LYPD6: variants seen among roughly 807,000 people sequenced by gnomAD.
LYPD6 encodes the protein LY6/PLAUR domain containing 6.
Under a neutral mutation model 22.7 loss-of-function variants are expected in LYPD6, and 15 were observed. The ratio of observed to expected loss-of-function variants is 0.66; its 90% CI spans 0.44 to 1.02. The LOEUF (loss-of-function observed/expected upper bound fraction) is 1.02, where lower values mean the gene tolerates loss of function less well. LYPD6 is among the 50% of genes least tolerant of loss of function. The probability of loss-of-function intolerance (pLI) is 0.00; values close to 1 mark genes in which losing one functional copy is unlikely to be tolerated. For missense variants in LYPD6, 189 were observed against 208.4 expected (o/e 0.91, Z 0.57); for synonymous variants, 72 against 77.5 (o/e 0.93, Z 0.37).
At chr2:149,336,407 A>G (rs116718810) in intron 1 of LYPD6, among the ~76,000 whole-genome samples, 110 of 152,330 alleles carry the variant, frequency 7.2e-4, no homozygotes, top group African/African-American at 2.5e-3. Flanking sequence ...TCCCAAGAAC[A>G]TTTATAGGAG....
chr2:149,385,878 A>G (rs1049820401), intron 1 of LYPD6, among the ~76,000 whole-genome samples: 5 of 152,158 alleles, frequency 3.3e-5, no homozygotes, highest in Non-Finnish European at 5.9e-5. Flanking sequence ...TGCTTTAGAG[A>G]GTGGAGTGGG....
chr2:149,348,183 G>A (rs1681294617), intron 1 of LYPD6, among the ~76,000 whole-genome samples: 1 of 151,840 alleles, frequency 6.6e-6, no homozygotes, highest in Admixed American at 6.6e-5. Context: ...TCATAGTTCT[G>A]GGTGGAAATA....
At chr2:149,358,812 G>T (rs1008253287) in intron 1 of LYPD6, among the ~76,000 whole-genome samples, 3 of 152,078 alleles carry the variant, frequency 2.0e-5, no homozygotes, top group African/African-American at 7.2e-5. Flanking sequence ...CCAGAATCTT[G>T]TTGGGTGGAG....
intron 3 of LYPD6, among the ~76,000 whole-genome samples, chr2:149,452,426 A>G (rs552526141): frequency 2.0e-5 from 3 of 152,322 alleles, no homozygotes; most frequent in African/African-American, 4.8e-5. Flanking sequence ...TAGAAAATGT[A>G]TTTCACTAGT....
At chr2:149,413,868 C>G (rs1427163302) in intron 1 of LYPD6, among the ~76,000 whole-genome samples, 1 of 152,170 alleles carries the variant, frequency 6.6e-6, no homozygotes, top group African/African-American at 2.4e-5. Context: ...TACTCTAATT[C>G]TGGGGTCCAT....
In LYPD6 at chr2:149,357,803, T is replaced by TA. The variant is rs1313415728; in HGVS notation, c.-72+27083dup. Among the ~76,000 whole-genome samples, 15 of 148,342 alleles carry TA rather than the reference T, an allele frequency of 1.0e-4. No homozygotes were observed. The East Asian group carries it at 2.9e-3, about 29-fold the overall frequency. ...TTCTTTGCTTTTTTTTTTTTTTTTT[T>TA]AAGACAGAACCTCACTCTGTTGCCC... On this transcript the variant is annotated intron_variant, in intron 1 of 4. Transcript: ENST00000334166.
chr2:149,468,809 T>G (rs370122399), intron 4 of LYPD6, 34 bp downstream of exon 4: 4 of 1,608,402 alleles, frequency 2.5e-6, no homozygotes, highest in African/African-American at 1.3e-5. Context: ...CAGTACTACA[T>G]AGCCAGCTGC....
chr2:149,349,290 G>A (rs1373043507), intron 1 of LYPD6, among the ~76,000 whole-genome samples: 2 of 152,156 alleles, frequency 1.3e-5, no homozygotes, highest in African/African-American at 2.4e-5. Flanking sequence ...ACAGAGTGAA[G>A]ACAATGAAGT....
At chr2:149,341,530 A>G (rs1681161604) in intron 1 of LYPD6, among the ~76,000 whole-genome samples, 1 of 152,208 alleles carries the variant, frequency 6.6e-6, no homozygotes, top group Non-Finnish European at 1.5e-5. Flanking sequence ...GCTTAATAGA[A>G]TAATGCCTTT....
At chr2:149,442,644 T>TAA (rs58308962) in intron 2 of LYPD6, among the ~76,000 whole-genome samples, 5 of 140,930 alleles carry the variant, frequency 3.5e-5, no homozygotes, top group African/African-American at 7.6e-5. Context: ...TTCCGTCCTT[T>TAA]AAAAAAAAAA....
intron 1 of LYPD6, among the ~76,000 whole-genome samples, chr2:149,371,480 T>C (rs1182863264): frequency 2.0e-5 from 3 of 152,226 alleles, no homozygotes; most frequent in Non-Finnish European, 4.4e-5. Context: ...TCTTCTGGTT[T>C]AGTTTACCAA....
chr2:149,426,702 G>A (rs563572478), intron 1 of LYPD6, among the ~76,000 whole-genome samples: 1 of 152,138 alleles, frequency 6.6e-6, no homozygotes, highest in African/African-American at 2.4e-5. Flanking sequence ...AGCAATGGAA[G>A]AAACATTTCA....
downstream of LYPD6, among the ~76,000 whole-genome samples, chr2:149,477,468 C>CA (rs1448718859): frequency 6.6e-6 from 1 of 151,706 alleles, no homozygotes; most frequent in Non-Finnish European, 1.5e-5. Context: ...ACTAAAAAAA[C>CA]AAAAATTAGC....
intron 1 of LYPD6, among the ~76,000 whole-genome samples, chr2:149,345,423 C>T (rs923201515): frequency 6.6e-6 from 1 of 150,948 alleles, no homozygotes; most frequent in African/African-American, 2.4e-5. Context: ...TCCCTGGCCT[C>T]AGCCTCCCGA....
At chr2:149,432,733 T>C (rs1683345014) in intron 1 of LYPD6, among the ~76,000 whole-genome samples, 1 of 152,180 alleles carries the variant, frequency 6.6e-6, no homozygotes, top group Admixed American at 6.5e-5. Context: ...CTTTCCCTCA[T>C]TGTCTTAGGC....
intron 1 of LYPD6, among the ~76,000 whole-genome samples, chr2:149,346,847 A>G (rs576292472): frequency 5.9e-5 from 9 of 152,012 alleles, no homozygotes; most frequent in Non-Finnish European, 1.0e-4. Context: ...ACTACAGGCA[A>G]GTGCCACCAC....
intron 1 of LYPD6, among the ~76,000 whole-genome samples, chr2:149,411,454 G>T (rs1240980188): frequency 6.6e-6 from 1 of 152,082 alleles, no homozygotes; most frequent in African/African-American, 2.4e-5. Flanking sequence ...CCATTTGCCT[G>T]GGCTTTTTAT....
At chr2:149,445,788 A>G (rs78390874) in intron 2 of LYPD6, among the ~76,000 whole-genome samples, 5,788 of 152,306 alleles carry the variant, frequency 0.038, 189 homozygotes, top group Non-Finnish European at 0.056. Flanking sequence ...TGTATCAGCA[A>G]AAAGGCTGTT....
At chr2:149,334,677 G>A (rs936772433) in intron 1 of LYPD6, among the ~76,000 whole-genome samples, 6 of 152,146 alleles carry the variant, frequency 3.9e-5, no homozygotes, top group African/African-American at 1.4e-4. Flanking sequence ...AGGACTGGGG[G>A]CCAAGAAACC....
Sources: gnomAD v4.1 joint callset for allele counts (sites outside exome capture counted in the v4.1 genomes callset) on GRCh38, gnomAD v4.1.1 for gene constraint, MANE v1.5 for transcripts, NCBI Gene and HGNC (gene_info 2026-07-23, HGNC 2026-07-21) for gene names.